The following UBE4B variants were observed in gnomAD, a reference collection of about 807,000 sequenced individuals.
UBE4B encodes the protein ubiquitin conjugation factor E4 B.
UBE4B carries 27 observed loss-of-function variants against 148.1 expected under a neutral mutation model. The observed-to-expected ratio is 0.18, with a 90% CI of 0.13 to 0.25. UBE4B has a LOEUF of 0.25. Among genes scored for constraint, UBE4B ranks in the 10% least tolerant of loss-of-function variants. The pLI is 1.00. For synonymous variants in UBE4B, 596 were observed against 619.3 expected, an observed-to-expected ratio of 0.96 and a Z score of 0.56; for missense variants, 1,170 against 1,662.4, an observed-to-expected ratio of 0.70 and a Z score of 5.15.
chr1:10,040,978 C>T (rs904933381), intron 1 of UBE4B, among the ~76,000 whole-genome samples: 3 of 152,152 alleles, frequency 2.0e-5, no homozygotes, highest in Admixed American at 6.6e-5. Flanking sequence ...GACCTGAGGT[C>T]CCTTTTTTCC....
chr1:10,179,382 G>A, intron 26 of UBE4B, 34 bp from the exon 27 acceptor site: 1 of 1,608,712 alleles, frequency 6.2e-7, no homozygotes, highest in South Asian at 1.1e-5. Flanking sequence ...TGGGCTCTCA[G>A]TAGATTAGAG....
At chr1:10,036,627 A>G (rs1288395022) in intron 1 of UBE4B, among the ~76,000 whole-genome samples, 1 of 151,990 alleles carries the variant, frequency 6.6e-6, no homozygotes, top group Non-Finnish European at 1.5e-5. Context: ...TTATTTTGGG[A>G]AAAATATCTT....
chr1:10,104,541 A>G (rs368391513), intron 5 of UBE4B, among the ~76,000 whole-genome samples: 107 of 152,250 alleles, frequency 7.0e-4, no homozygotes, highest in Middle Eastern at 3.4e-3. Flanking sequence ...TCTCTTTTCT[A>G]TGCTGCCTAT....
chr1:10,135,184 T>C lies in UBE4B; in HGVS notation c.2222T>C (p.Leu741Pro). 1 of 1,612,932 alleles carries C rather than the reference T, an allele frequency of 6.2e-7. No homozygotes were observed. The stretch of plus-strand genomic sequence containing the variant: ...GATGTGAATGACTGGCTGACTGAAC[T>C]CTGTGAGTACTGTGTTCGTGACTCG... ...MEDVNDWLTE[L>P]YGDQPPFSEP... Residue 741 changes from leucine (L) to proline (P), a missense_variant and splice_region_variant, in exon 16 of 28, where the codon CTC becomes CCC. Leu to Pro is a moderately conservative substitution (Grantham distance 98). Transcript: ENST00000343090.
chr1:10,073,792 G>T (rs2101835122), intron 2 of UBE4B, among the ~76,000 whole-genome samples: 1 of 152,126 alleles, frequency 6.6e-6, no homozygotes, highest in African/African-American at 2.4e-5. Flanking sequence ...ATACTGGCAG[G>T]CTGTTGCACC....
intron 16 of UBE4B, among the ~76,000 whole-genome samples, chr1:10,135,492 A>G (rs542872418): frequency 3.9e-5 from 6 of 152,174 alleles, no homozygotes; most frequent in Admixed American, 3.3e-4. Flanking sequence ...TAATCCCAGC[A>G]CTTTGGGAGG....
At chr1:10,096,653 T>C (rs1303799307) in intron 3 of UBE4B, among the ~76,000 whole-genome samples, 1 of 151,468 alleles carries the variant, frequency 6.6e-6, no homozygotes, top group East Asian at 1.9e-4. Flanking sequence ...ACCCAGGAGG[T>C]GGAGGTTGCA....
Position 10,179,547 on chromosome 1 carries a change from A to G in UBE4B, c.3832A>G (p.Ser1278Gly). 6.2e-7 allele frequency: 1 copy of G among 1,613,422 alleles called. No homozygotes were observed. The highest frequency in any genetic ancestry group is 2.2e-5 in the East Asian group (1 of 44,882). Residue 1278 changes from serine to glycine, a missense_variant, in exon 27 of 28, where the codon AGC (serine) becomes GGC (glycine). Physicochemically the swap from Ser to Gly is moderately conservative, Grantham distance 56. Transcript: ENST00000343090. ...DPFNRQTLTE[S>G]MLEPVPELKE... ...CTTCAACCGGCAGACGCTGACAGAG[A>G]GCATGCTGGAACCAGGTAGAGGAGG...
chr1:10,047,371 G>A (rs1643933201), intron 1 of UBE4B, among the ~76,000 whole-genome samples: 1 of 152,080 alleles, frequency 6.6e-6, no homozygotes, highest in Non-Finnish European at 1.5e-5. Flanking sequence ...TTATAGGCCA[G>A]GAGGGCTGCT....
At chr1:10,077,794 T>G (rs1644609083) in intron 2 of UBE4B, among the ~76,000 whole-genome samples, 1 of 152,206 alleles carries the variant, frequency 6.6e-6, no homozygotes, top group Non-Finnish European at 1.5e-5. Context: ...AAAAAGTTAT[T>G]ATATAAAATA....
chr1:10,106,315 C>G lies in UBE4B; in HGVS notation c.928C>G (p.Leu310Val). Residue 310 changes from leucine (L) to valine (V), a missense_variant, in exon 7 of 28, where the codon CTC (leucine) becomes GTC (valine). Transcript: ENST00000343090. The surrounding 1 kb of genome is among the most constrained non-coding windows in gnomAD (Gnocchi z 4.2). ...CCAGTTGGCTGTGCCTTCCACTCCC[C>G]TCAGTCCTCACAGTGCAGCCTCTGG... Reference protein sequence around the residue: ...ASQLAVPSTPLSPHSAASGTA... With the variant: ...ASQLAVPSTPVSPHSAASGTA... 1 of 1,614,214 alleles carries G rather than the reference C, an allele frequency of 6.2e-7. No individual in the cohort carries two copies. Among genetic ancestry groups the G allele is most frequent in the Non-Finnish European group, 8.5e-7 (1 of 1,180,038 alleles).
chr1:10,093,758 G>A (rs1296761954), intron 2 of UBE4B, among the ~76,000 whole-genome samples: 1 of 151,190 alleles, frequency 6.6e-6, no homozygotes, highest in East Asian at 1.9e-4. Context: ...GCAGTGGGGC[G>A]ATCTTGGCTC....
At chr1:10,061,752 G>A (rs543402659) in intron 1 of UBE4B, among the ~76,000 whole-genome samples, 33 of 152,252 alleles carry the variant, frequency 2.2e-4, no homozygotes, top group Admixed American at 1.2e-3. Flanking sequence ...CAAAGCTGAT[G>A]CTTGGATCTC....
chr1:10,079,333 T>G (rs1220091359), intron 2 of UBE4B, among the ~76,000 whole-genome samples: 1 of 152,150 alleles, frequency 6.6e-6, no homozygotes, highest in Admixed American at 6.5e-5. Context: ...TAATTTTTTG[T>G]ATTTTTAGTA....
chr1:10,076,664 A>G (rs1385124228), intron 2 of UBE4B, among the ~76,000 whole-genome samples: 1 of 151,552 alleles, frequency 6.6e-6, no homozygotes, highest in Non-Finnish European at 1.5e-5. Context: ...TTTCAGTTGC[A>G]AGTAACTAAA....
intron 1 of UBE4B, among the ~76,000 whole-genome samples, chr1:10,058,021 G>A (rs1644208971): frequency 6.6e-6 from 1 of 152,158 alleles, no homozygotes; most frequent in Non-Finnish European, 1.5e-5. Flanking sequence ...GAGAGTAAAA[G>A]GGTCTCTGTT....
rs527522171 is a variant in UBE4B at position 10,168,051 on chromosome 1, C to T, written c.3199-85C>T. 1.2e-5 allele frequency: 17 copies of T among 1,477,740 alleles called. No homozygotes were observed. The highest frequency in any genetic ancestry group is 2.8e-5 in the African/African-American group (2 of 71,022). 91.5% of individuals were successfully genotyped at this position (1,477,740 alleles called of 1,614,324 possible). ...TTCCCTAAGCATGTTGGGTTTATCACGCACTTTCCAGTTATGTGCTTGGCG... is the reference window on the plus strand; with the variant it reads ...TTCCCTAAGCATGTTGGGTTTATCATGCACTTTCCAGTTATGTGCTTGGCG... On this transcript the variant is annotated intron_variant, in intron 23 of 27. Transcript: ENST00000343090. This position sits in a 1 kb window ranked among gnomAD's most constrained non-coding sequence, Gnocchi z 4.9.
At position 10,148,024 on chromosome 1, in the gene UBE4B, G is replaced by A. The variant is rs567336742; in HGVS notation, c.2591+934G>A. Among the ~76,000 whole-genome samples the A allele has an allele frequency of 3.3e-5, 5 of 152,146 alleles. No individual in the cohort carries two copies. The South Asian group carries it at 8.3e-4, about 25-fold the overall frequency. ...GGGTGGATCACATGGTCAGGAGATC[G>A]AGACCATCTTTGCTAACACGGTGAA... On this transcript the variant is annotated intron_variant, in intron 19 of 27. Transcript: ENST00000343090.
chr1:10,115,300 C>T (rs902925467), intron 7 of UBE4B, among the ~76,000 whole-genome samples: 1 of 149,686 alleles, frequency 6.7e-6, no homozygotes, highest in Admixed American at 6.7e-5. Flanking sequence ...ATCATAGTCG[C>T]TCTCTTGCCC....
Sources: allele counts gnomAD v4.1 joint callset (sites outside exome capture counted in the v4.1 genomes callset), GRCh38; gene constraint gnomAD v4.1.1; non-coding constraint Gnocchi (gnomAD v3.1); transcripts MANE v1.5; gene names NCBI Gene and HGNC (gene_info 2026-07-23, HGNC 2026-07-21).